NDUFC2: variants seen among roughly 807,000 people sequenced by gnomAD.
NDUFC2 encodes NADH:ubiquinone oxidoreductase subunit C2.
Under a neutral mutation model 10.1 loss-of-function variants are expected in NDUFC2, and 2 were observed. The observed-to-expected ratio is 0.20, with a 90% CI of 0.08 to 0.62. NDUFC2 has a LOEUF of 0.62. Ranked by LOEUF, NDUFC2 falls within the 20% of genes least tolerant of loss-of-function variation. NDUFC2 has a pLI of 0.87. For missense variants in NDUFC2, 156 were observed against 159.6 expected, an observed-to-expected ratio of 0.98 and a Z score of 0.12; for synonymous variants, 61 against 63.6, an observed-to-expected ratio of 0.96 and a Z score of 0.20.
chr11:78,072,880 C>T, intron 2 of NDUFC2, 118 bp downstream of exon 2: 1 of 1,401,412 alleles, frequency 7.1e-7, no homozygotes, highest in Non-Finnish European at 9.6e-7. Flanking sequence ...GGTCTATAGA[C>T]TAAGATGTGG....
intron 1 of NDUFC2, among the ~76,000 whole-genome samples, chr11:78,077,206 C>T (rs1340372295): frequency 3.3e-5 from 5 of 151,866 alleles, no homozygotes; most frequent in Non-Finnish European, 2.9e-5. Flanking sequence ...ATAGGAGGAT[C>T]GCCTGAGCCC....
At position 78,078,340 on chromosome 11, in the gene NDUFC2, T is replaced by A. The variant is rs562194268; in HGVS notation, c.166+1239A>T. ...TCTGCTAAAATCTCCCTTGCAGTTT[T>A]ATCTAAACCTGAACACTCACTCAAT... On this transcript the variant is annotated intron_variant, in intron 1 of 2. Coordinates refer to ENST00000281031, the MANE Select transcript of NDUFC2 (RefSeq NM_004549.6). Among the ~76,000 whole-genome samples the A allele has an allele frequency of 4.6e-5, 7 of 152,342 alleles. No homozygotes were observed. In the South Asian group the frequency reaches 1.5e-3, roughly 32 times the overall value.
At chr11:78,078,644 G>C (rs936185062) in intron 1 of NDUFC2, among the ~76,000 whole-genome samples, 9 of 151,490 alleles carry the variant, frequency 5.9e-5, no homozygotes, top group Admixed American at 5.3e-4. Context: ...TATTCAAACC[G>C]TGGTCCTCAG....
intron 1 of NDUFC2, among the ~76,000 whole-genome samples, chr11:78,078,949 T>C (rs969107820): frequency 1.3e-5 from 2 of 151,332 alleles, no homozygotes; most frequent in Non-Finnish European, 2.9e-5. Flanking sequence ...TGGTATCGAA[T>C]TCCTGAGCTC....
rs184654048 is a variant in NDUFC2, at chr11:78,079,820, C to A, written c.-76G>T. 8 of 1,496,328 alleles carry A rather than the reference C, an allele frequency of 5.3e-6. No homozygotes were observed. The East Asian group carries it at 1.5e-4, about 29-fold the overall frequency. 92.7% of individuals were successfully genotyped at this position (1,496,328 alleles called of 1,614,324 possible). A position where few individuals can be genotyped will look rare whatever the true frequency, so the allele number is the denominator to read the frequency against. ...AAAACCACGACGACCACTACCCCGG[C>A]CTAAGCGGTCAGCTTTCTCCTCCTC... On this transcript the variant is annotated 5_prime_UTR_variant, in exon 1 of 3. Transcript: ENST00000281031.
rs1242103595 is a variant in NDUFC2, at chr11:78,079,698, TC to T, written c.46del (p.Glu16ArgfsTer10). ...NPEPLRFLPD[E>X]ARSLPPPKLT... is the part of the protein sequence containing the mutation. ...CTTGGGCGGGGGCAGGCTCCGGGCC[TC>T]ATCCGGCAGAAACCGTAAGGGTTCT... is the stretch of plus-strand genomic sequence containing the variant. On this transcript the variant is annotated frameshift_variant, in exon 1 of 3. Transcript: ENST00000281031. LOFTEE classifies it high-confidence loss of function. The T allele has an allele frequency of 1.2e-6, 2 of 1,609,724 alleles. No homozygotes were observed. Among genetic ancestry groups the T allele is most frequent in the Non-Finnish European group, 1.7e-6 (2 of 1,178,348 alleles).
intron 1 of NDUFC2, 63 bp downstream of exon 1, chr11:78,079,516 G>A: frequency 1.3e-6 from 2 of 1,517,348 alleles, no homozygotes; most frequent in African/African-American, 1.4e-5. Context: ...GCCTACGGCC[G>A]GGCCAGTCTG....
At position 78,075,572 on chromosome 11, in the gene NDUFC2, AATTCATTATTATGAGACAT is replaced by A. The variant is rs1859213453; in HGVS notation, c.167-2450_167-2432del. ...TACACAATTTTATTTCATTGATAGAAATTCATTATTATGAGACATATTCATTATTATGAGACAGAATCTT... is the reference window on the plus strand; with the variant it reads ...TACACAATTTTATTTCATTGATAGAAATTCATTATTATGAGACAGAATCTT... On this transcript the variant is annotated intron_variant, in intron 1 of 2. Coordinates refer to ENST00000281031, the MANE Select transcript of NDUFC2 (RefSeq NM_004549.6). Among the ~76,000 whole-genome samples the A allele has an allele frequency of 3.9e-5, 6 of 152,340 alleles. 1 individual carries two copies. The South Asian group carries it at 1.2e-3, about 32-fold the overall frequency.
rs1168544627 is a variant in NDUFC2 at position 78,068,455 on chromosome 11, G to A, written c.*1532C>T. ...GACAGAAATCATTTGATTTTGCCCA[G>A]AAACCATCTGCTTATATTTATAAGG... On this transcript the variant is annotated 3_prime_UTR_variant, in exon 3 of 3. Coordinates refer to ENST00000281031, the MANE Select transcript of NDUFC2 (RefSeq NM_004549.6). The A allele has an allele frequency of 1.3e-5, 2 of 152,150 alleles. No individual in the cohort carries two copies. Among genetic ancestry groups the A allele is most frequent in the Non-Finnish European group, 2.9e-5 (2 of 68,010 alleles). 9.4% of individuals were successfully genotyped at this position (152,150 alleles called of 1,614,324 possible).
chr11:78,079,168 C>G (rs913283221), intron 1 of NDUFC2, among the ~76,000 whole-genome samples: 4 of 149,662 alleles, frequency 2.7e-5, no homozygotes, highest in African/African-American at 9.8e-5. Flanking sequence ...CTTGGGCAAG[C>G]TGCTGTTAAT....
chr11:78,078,728 C>CT lies in NDUFC2; in HGVS notation c.166+850dup, dbSNP rs71046953. Among the ~76,000 whole-genome samples, 79 of 61,618 alleles carry CT rather than the reference C, an allele frequency of 1.3e-3. 12 individuals are homozygous for CT. The highest frequency in any genetic ancestry group is 0.011 in the Middle Eastern group (1 of 92). The allele number at this position is 61,618 out of a possible 152,430, so 40.4% of individuals were successfully genotyped here. A position where few individuals can be genotyped will look rare whatever the true frequency, so the allele number is the denominator to read the frequency against. On this transcript the variant is annotated intron_variant, in intron 1 of 2. Transcript: ENST00000281031. ...CCCAGACCTCATGAATCAGGATCCG[C>CT]TTTTTTTTTTTTTTTGAGACAGGGT...
intron 1 of NDUFC2, 150 bp downstream of exon 1, chr11:78,079,429 G>A (rs1859409900): frequency 1.8e-6 from 2 of 1,130,478 alleles, no homozygotes; most frequent in Non-Finnish European, 2.4e-6. Flanking sequence ...AAGAGCTAAT[G>A]GGGCGCGGAC....
chr11:78,072,800 T>C (rs1396798808), intron 2 of NDUFC2, 198 bp downstream of exon 2: 2 of 713,078 alleles, frequency 2.8e-6, no homozygotes, highest in East Asian at 5.5e-5. Flanking sequence ...AGAGGGGATA[T>C]GAGTTTTGTT....
In NDUFC2 at chr11:78,070,005, T is replaced by C. The variant is rs757971840; in HGVS notation, c.342A>G (p.Lys114=). ...DKKTYGEIFE[K]FHPIR is the part of the protein sequence containing the mutation. ...GAAGACTTCAACGTATTGGATGGAA[T>C]TTTTCAAAAATTTCACCATATGTTT... Residue 114 remains lysine (K), a synonymous_variant, in exon 3 of 3, where the codon AAA becomes AAG. Coordinates refer to ENST00000281031, the MANE Select transcript of NDUFC2 (RefSeq NM_004549.6). The C allele has an allele frequency of 6.2e-7, 1 of 1,606,466 alleles. No homozygotes were observed. Among genetic ancestry groups the C allele is most frequent in the Non-Finnish European group, 8.5e-7 (1 of 1,175,762 alleles).
At chr11:78,078,130 T>G in intron 1 of NDUFC2, among the ~76,000 whole-genome samples, 1 of 152,150 alleles carries the variant, frequency 6.6e-6, no homozygotes, top group East Asian at 1.9e-4. Context: ...GAGGTACAAG[T>G]GTGGTGACTC....
chr11:78,070,753 G>A (rs1043071083), intron 2 of NDUFC2, among the ~76,000 whole-genome samples: 1 of 152,200 alleles, frequency 6.6e-6, no homozygotes, highest in Admixed American at 6.5e-5. Context: ...GGTCAGCTAG[G>A]AGAGGCCAAC....
At chr11:78,076,717 A>T (rs1859264941) in intron 1 of NDUFC2, among the ~76,000 whole-genome samples, 1 of 152,094 alleles carries the variant, frequency 6.6e-6, no homozygotes, top group African/African-American at 2.4e-5. Context: ...TCAAACCCCA[A>T]AGCATATGCT....
In NDUFC2 at chr11:78,079,618, T is replaced by C. The variant is rs1859428983; in HGVS notation, c.127A>G (p.Ile43Val). 3.2e-6 allele frequency: 5 copies of C among 1,566,752 alleles called. No individual in the cohort carries two copies. Among genetic ancestry groups the C allele is most frequent in the Non-Finnish European group, 3.5e-6 (4 of 1,156,310 alleles). Residue 43 changes from isoleucine to valine, a missense_variant, in exon 1 of 3, where the codon ATT becomes GTT. Ile to Val is a conservative substitution (Grantham distance 29, BLOSUM62 3). Transcript: ENST00000281031. The stretch of plus-strand genomic sequence containing the variant: ...GGCCTCCGCCGGATTAGGTTATCAA[T>C]CAGGCCGGAGCAGTAGCCCAAGAAG... ...IGFLGYCSGL[I>V]DNLIRRRPIA...
rs990009426 is a variant in NDUFC2 at position 78,069,662 on chromosome 11, A to C, written c.*325T>G. On this transcript the variant is annotated 3_prime_UTR_variant, in exon 3 of 3. Transcript: ENST00000281031. Reference sequence around the variant, plus strand: ...CTGCTCTTGCAGCATGGCAGTCGCCATAAACAACATGTAAACAAATGAGCA... The same window carrying C: ...CTGCTCTTGCAGCATGGCAGTCGCCCTAAACAACATGTAAACAAATGAGCA... The C allele has an allele frequency of 7.0e-6, 4 of 572,510 alleles. No individual in the cohort carries two copies. Among genetic ancestry groups the C allele is most frequent in the Non-Finnish European group, 6.0e-6 (2 of 330,714 alleles). 35.5% of individuals were successfully genotyped at this position (572,510 alleles called of 1,614,324 possible).
Sources: gnomAD v4.1 joint callset for allele counts (sites outside exome capture counted in the v4.1 genomes callset) on GRCh38, gnomAD v4.1.1 for gene constraint, MANE v1.5 for transcripts, NCBI Gene and HGNC (gene_info 2026-07-23, HGNC 2026-07-21) for gene names.